The following DAB1 variants were observed in gnomAD, a reference collection of about 807,000 sequenced individuals.
DAB1 encodes the protein DAB adaptor protein 1.
In DAB1, 15 loss-of-function variants were observed where a neutral mutation model predicts 64.6. The ratio of observed to expected loss-of-function variants is 0.23; its 90% CI spans 0.16 to 0.36. DAB1 has a LOEUF of 0.36. Ranked by LOEUF, DAB1 falls within the 10% of genes least tolerant of loss-of-function variation. The pLI is 1.00. For missense variants in DAB1, 596 were observed against 706.7 expected (o/e 0.84, Z 1.78); for synonymous variants, 235 against 251.9 (o/e 0.93, Z 0.64).
rs928347737 is a variant in DAB1, at chr1:58,118,623, A to T, written n.387+31888T>A. On this transcript the variant is annotated intron_variant and non_coding_transcript_variant, in intron 5 of 20. Transcript: ENST00000485760. ...ATATATATATACATATATATATATA[A>T]AATACATATATATATAAAGATCCTG... Among the ~76,000 whole-genome samples, 64 of 140,632 alleles carry T rather than the reference A, an allele frequency of 4.6e-4. 1 individual carries two copies. The highest frequency in any genetic ancestry group is 8.2e-4 in the Admixed American group (11 of 13,444). The allele number at this position is 140,632 out of a possible 152,430, so 92.3% of individuals were successfully genotyped here.
At position 57,765,575 on chromosome 1, in the gene DAB1, G is replaced by A. The variant is rs567445835; in HGVS notation, n.552-115910C>T. 1.9e-4 allele frequency among the ~76,000 whole-genome samples: 29 copies of A among 152,196 alleles called. No individual in the cohort carries two copies. In the East Asian group the frequency reaches 4.6e-3, roughly 24 times the overall value. Reference sequence around the variant, plus strand: ...CTTTCTCTTAAAGCCATTCCAGTCAGGCCTTCGTGCCCTCTGCCTTACCAA... The same window carrying A: ...CTTTCTCTTAAAGCCATTCCAGTCAAGCCTTCGTGCCCTCTGCCTTACCAA... On this transcript the variant is annotated intron_variant and non_coding_transcript_variant, in intron 6 of 20. Transcript: ENST00000485760.
intron 1 of DAB1, among the ~76,000 whole-genome samples, chr1:57,842,671 C>T (rs997648659): frequency 6.6e-6 from 1 of 152,230 alleles, no homozygotes; most frequent in Non-Finnish European, 1.5e-5. Flanking sequence ...GGGGGATGTG[C>T]CATACTTTAA....
At chr1:57,762,083 A>G (rs1360232889) in intron 6 of DAB1, among the ~76,000 whole-genome samples, 1 of 152,142 alleles carries the variant, frequency 6.6e-6, no homozygotes, top group African/African-American at 2.4e-5. Flanking sequence ...CTGGACTTTC[A>G]ATGGTCCTAA....
chr1:57,534,733 C>G (rs888964054), intron 7 of DAB1, among the ~76,000 whole-genome samples: 1 of 152,126 alleles, frequency 6.6e-6, no homozygotes, highest in African/African-American at 2.4e-5. Context: ...TGCCCTTGCT[C>G]TCCTACTAGT....
intron 7 of DAB1, among the ~76,000 whole-genome samples, chr1:57,614,779 C>T (rs1384276899): frequency 6.6e-6 from 1 of 151,316 alleles, no homozygotes; most frequent in South Asian, 2.1e-4. Flanking sequence ...GGCATTTTTA[C>T]TAATGTGAAT....
At chr1:57,562,755 CA>C (rs1305098497) in intron 7 of DAB1, among the ~76,000 whole-genome samples, 2 of 152,114 alleles carry the variant, frequency 1.3e-5, no homozygotes, top group African/African-American at 4.8e-5. Flanking sequence ...GTCTTAGTTC[CA>C]GAGGGAGAGA....
chr1:57,415,049 G>C (rs1194703066), intron 1 of DAB1, among the ~76,000 whole-genome samples: 1 of 152,116 alleles, frequency 6.6e-6, no homozygotes, highest in East Asian at 1.9e-4. Flanking sequence ...GAAAAGCCAA[G>C]ACACTCTTGA....
chr1:58,481,565 A>T (rs75841045), intron 3 of DAB1, among the ~76,000 whole-genome samples: 2,321 of 152,304 alleles, frequency 0.015, 55 homozygotes, highest in African/African-American at 0.051. Flanking sequence ...AACATAGATG[A>T]CTGAATATAC....
Position 57,155,662 on chromosome 1 carries a change from C to T in DAB1, c.68-10233G>A, listed in dbSNP as rs550906629. ...GGACATTTTAATAATATTGATTCTT[C>T]CACCCTATGAACATGGAATATTTTT... is the stretch of plus-strand genomic sequence containing the variant. On this transcript the variant is annotated intron_variant, in intron 2 of 14. Coordinates refer to ENST00000371236, the MANE Select transcript of DAB1 (RefSeq NM_001365792.1). 6.6e-5 allele frequency among the ~76,000 whole-genome samples: 10 copies of T among 151,446 alleles called. No individual in the cohort carries two copies. In the South Asian group the frequency reaches 1.3e-3, roughly 19 times the overall value.
chr1:57,037,855 G>C (rs1647231101), intron 9 of DAB1, among the ~76,000 whole-genome samples: 1 of 152,124 alleles, frequency 6.6e-6, no homozygotes, highest in Non-Finnish European at 1.5e-5. Flanking sequence ...TTTAATAAAT[G>C]GTTTAATAAA....
intron 6 of DAB1, among the ~76,000 whole-genome samples, chr1:57,698,361 G>A (rs1316822437): frequency 6.6e-6 from 1 of 151,280 alleles, no homozygotes; most frequent in East Asian, 2.0e-4. Context: ...GCCTCCCAAA[G>A]CACTAGGATT....
chr1:57,410,322 A>C (rs1684006548), intron 1 of DAB1, among the ~76,000 whole-genome samples: 1 of 152,272 alleles, frequency 6.6e-6, no homozygotes, highest in Non-Finnish European at 1.5e-5. Flanking sequence ...CAAGTGTTTA[A>C]ACTGACTTTC....
chr1:57,119,415 C>T (rs1381600198), intron 4 of DAB1, among the ~76,000 whole-genome samples: 1 of 152,080 alleles, frequency 6.6e-6, no homozygotes, highest in Admixed American at 6.6e-5. Context: ...GAGACCTCAG[C>T]TTCTAGGAAT....
chr1:58,444,677 G>A (rs1645046444), intron 3 of DAB1, among the ~76,000 whole-genome samples: 1 of 152,176 alleles, frequency 6.6e-6, no homozygotes, highest in South Asian at 2.1e-4. Flanking sequence ...CATTTCATTG[G>A]TCAAAACAAA....
chr1:57,647,985 A>C (rs1646213710), intron 7 of DAB1, among the ~76,000 whole-genome samples: 1 of 152,242 alleles, frequency 6.6e-6, no homozygotes, highest in South Asian at 2.1e-4. Flanking sequence ...ACCTCTGTCT[A>C]TAGGCAGAAT....
chr1:58,375,392 GGTT>G (rs1644313708), intron 3 of DAB1, among the ~76,000 whole-genome samples: 1 of 134,496 alleles, frequency 7.4e-6, no homozygotes, highest in South Asian at 2.5e-4. Flanking sequence ...TAGCATGAAG[GGTT>G]GTTGAATTTT....
At chr1:57,541,878 C>A (rs1644806821) in intron 7 of DAB1, among the ~76,000 whole-genome samples, 1 of 152,078 alleles carries the variant, frequency 6.6e-6, no homozygotes, top group African/African-American at 2.4e-5. Flanking sequence ...GAAATAAAGT[C>A]ACTTTCCTAA....
chr1:58,073,462 C>T (rs1649401909), intron 5 of DAB1, among the ~76,000 whole-genome samples: 1 of 152,174 alleles, frequency 6.6e-6, no homozygotes, highest in Admixed American at 6.5e-5. Context: ...TCAAAACATT[C>T]TGTACTTGCT....
intron 2 of DAB1, among the ~76,000 whole-genome samples, chr1:57,248,231 T>C (rs1178177608): frequency 6.6e-6 from 1 of 152,202 alleles, no homozygotes; most frequent in Non-Finnish European, 1.5e-5. Context: ...TGTATTATTT[T>C]ATTGTTGTTT....
Sources: gnomAD v4.1 joint callset for allele counts (sites outside exome capture counted in the v4.1 genomes callset) on GRCh38, gnomAD v4.1.1 for gene constraint, MANE v1.5 for transcripts, NCBI Gene and HGNC (gene_info 2026-07-23, HGNC 2026-07-21) for gene names.